Variants in AMMECR1 observed in about 807,000 individuals in gnomAD.
AMMECR1 encodes the protein nuclear protein AMMECR1.
Under a neutral mutation model 22.5 loss-of-function variants are expected in AMMECR1, and 3 were observed. The ratio of observed to expected loss-of-function variants is 0.13; its 90% CI spans 0.06 to 0.35. The LOEUF is 0.35. Ranked by LOEUF, AMMECR1 falls within the 10% of genes least tolerant of loss-of-function variation. The probability of loss-of-function intolerance (pLI) is 1.00; values close to 1 mark genes in which losing one functional copy is unlikely to be tolerated. For synonymous variants in AMMECR1, 130 were observed against 116.7 expected (o/e 1.11, Z -0.74); for missense variants, 235 against 278.7 (o/e 0.84, Z 1.12).
intron 2 of AMMECR1, among the ~76,000 whole-genome samples, chrX:110,408,923 T>C (rs190028548): frequency 1.4e-4 from 16 of 112,156 alleles, no homozygotes; most frequent in Non-Finnish European, 1.9e-5. Flanking sequence ...TTATAGTACC[T>C]AGAAATTTAA....
At chrX:110,395,089 G>A (rs1201378454) in intron 2 of AMMECR1, among the ~76,000 whole-genome samples, 1 of 112,654 alleles carries the variant, frequency 8.9e-6, no homozygotes, top group Non-Finnish European at 1.9e-5. Context: ...TGGAAGGTGG[G>A]GAGTGTATGT....
chrX:110,422,076 C>T (rs1361547096), intron 2 of AMMECR1, among the ~76,000 whole-genome samples: 4 of 113,191 alleles, frequency 3.5e-5, no homozygotes, highest in Non-Finnish European at 7.5e-5. Flanking sequence ...AAATGGGGCT[C>T]TGGCTGGGAT....
chrX:110,291,465 G>A (rs773168717), intron 1 of AMMECR1, among the ~76,000 whole-genome samples: 1 of 111,359 alleles, frequency 9.0e-6, no homozygotes, highest in Non-Finnish European at 1.9e-5. Flanking sequence ...GGCAGAGGTC[G>A]CAGTGAGCAG....
chrX:110,398,606 T>C (rs749958601), intron 2 of AMMECR1, among the ~76,000 whole-genome samples: 5 of 111,851 alleles, frequency 4.5e-5, no homozygotes, highest in African/African-American at 1.6e-4. Flanking sequence ...CCCAAGGTCA[T>C]AGAACTAGGA....
chrX:110,360,970 G>T (rs1246955083), intron 2 of AMMECR1, among the ~76,000 whole-genome samples: 2 of 111,377 alleles, frequency 1.8e-5, no homozygotes, highest in African/African-American at 6.5e-5. Context: ...CGATCTTCGT[G>T]GCTTAATATA....
At chrX:110,350,130 T>C (rs1043597563) in intron 2 of AMMECR1, among the ~76,000 whole-genome samples, 6 of 112,208 alleles carry the variant, frequency 5.3e-5, no homozygotes, top group African/African-American at 1.9e-4. Context: ...TGTTCCCAGT[T>C]TGAAATCCAG....
intron 2 of AMMECR1, among the ~76,000 whole-genome samples, chrX:110,336,521 TA>T (rs748064659): frequency 1.8e-5 from 2 of 109,596 alleles, no homozygotes; most frequent in South Asian, 3.9e-4. Context: ...CTGTCTCTAC[TA>T]AAAAAACAAA....
intron 2 of AMMECR1, chrX:110,219,638 G>C (rs1184330541): frequency 1.4e-6 from 1 of 736,252 alleles, no homozygotes; most frequent in Non-Finnish European, 1.6e-6. Context: ...AGAATGTTTA[G>C]AACAAGGAGT....
intron 2 of AMMECR1, among the ~76,000 whole-genome samples, chrX:110,385,131 C>T (rs1452639892): frequency 1.8e-5 from 2 of 111,260 alleles, no homozygotes; most frequent in Non-Finnish European, 3.8e-5. Flanking sequence ...AGCTCCACCA[C>T]CAACTAGCTG....
rs1046531631 is a variant in AMMECR1 at position 110,264,576 on chromosome X, A to G, written c.497T>C (p.Ile166Thr). 5 of 1,202,769 alleles carry G rather than the reference A, an allele frequency of 4.2e-6. No homozygotes were observed. The South Asian group carries it at 5.4e-5, about 13-fold the overall frequency. The change falls in exon 2 of 6, where the codon ATT becomes ACT. Residue 166 changes from isoleucine (I) to threonine (T), a missense_variant. Ile to Thr is a moderately conservative substitution (Grantham distance 89, BLOSUM62 -1). Coordinates refer to ENST00000262844, the MANE Select transcript of AMMECR1 (RefSeq NM_015365.3). Reference sequence around the variant, plus strand: ...TCCACGTAATCTTTTGTCTCGACCAATCTTCCATGTTACAAACAGTGGGCT... The same window carrying G: ...TCCACGTAATCTTTTGTCTCGACCAGTCTTCCATGTTACAAACAGTGGGCT... ...EPYPLFVTWK[I>T]GRDKRLRGCI...
chrX:110,371,215 C>T (rs973504044), intron 2 of AMMECR1, among the ~76,000 whole-genome samples: 2 of 110,303 alleles, frequency 1.8e-5, no homozygotes, highest in African/African-American at 3.3e-5. Context: ...TCTTTGTGTA[C>T]CCCCCGAGAC....
intron 1 of AMMECR1, among the ~76,000 whole-genome samples, chrX:110,435,122 GGGAGGGAGGGGGAAGAA>G (rs1475490261): frequency 1.2e-5 from 1 of 83,625 alleles, no homozygotes; most frequent in Admixed American, 1.2e-4. Flanking sequence ...GGAGGAAGGA[GGGAGGGAGGGGGAAGAA>G]GGAGGGAGTG....
chrX:110,276,881 T>C (rs1205476033), intron 1 of AMMECR1, among the ~76,000 whole-genome samples: 2 of 110,898 alleles, frequency 1.8e-5, no homozygotes, highest in Non-Finnish European at 3.8e-5. Flanking sequence ...CCTCCCTGAG[T>C]TCCTATCTCT....
intron 5 of AMMECR1, among the ~76,000 whole-genome samples, chrX:110,200,241 T>C (rs191850704): frequency 9.0e-6 from 1 of 111,630 alleles, no homozygotes; most frequent in Non-Finnish European, 1.9e-5. Flanking sequence ...GATCTCATAT[T>C]ATCCATCATA....
intron 2 of AMMECR1, among the ~76,000 whole-genome samples, chrX:110,347,468 T>C (rs1364449191): frequency 8.8e-6 from 1 of 113,255 alleles, no homozygotes; most frequent in Admixed American, 9.3e-5. Flanking sequence ...ATCTGTGTGA[T>C]GCTTTTCAAT....
intron 2 of AMMECR1, among the ~76,000 whole-genome samples, chrX:110,369,882 T>C (rs761886136): frequency 4.5e-5 from 5 of 111,857 alleles, no homozygotes; most frequent in South Asian, 7.6e-4. Context: ...AGTCCATATA[T>C]GGGTTTCAAT....
intron 2 of AMMECR1, among the ~76,000 whole-genome samples, chrX:110,323,377 C>A (rs1404929398): frequency 8.9e-6 from 1 of 111,911 alleles, no homozygotes; most frequent in Non-Finnish European, 1.9e-5. Context: ...AAAAAGATAC[C>A]CCATACCCAT....
chrX:110,219,600 T>C, intron 2 of AMMECR1: 1 of 751,131 alleles, frequency 1.3e-6, no homozygotes, highest in Non-Finnish European at 1.6e-6. Context: ...TGTTGTTTGT[T>C]CACTCATTCT....
intron 3 of AMMECR1, among the ~76,000 whole-genome samples, chrX:110,211,662 T>C (rs936276717): frequency 8.9e-6 from 1 of 112,527 alleles, no homozygotes; most frequent in Non-Finnish European, 1.9e-5. Flanking sequence ...CAGATTTATC[T>C]AGGGGAGCAA....
Sources: allele counts gnomAD v4.1 joint callset (sites outside exome capture counted in the v4.1 genomes callset), GRCh38; gene constraint gnomAD v4.1.1; transcripts MANE v1.5; gene names NCBI Gene and HGNC (gene_info 2026-07-23, HGNC 2026-07-21).